The following SLC36A4 variants were observed in gnomAD, a reference collection of about 807,000 sequenced individuals.
SLC36A4 encodes the protein neutral amino acid uniporter 4.
A neutral mutation model predicts 50.5 loss-of-function variants in SLC36A4; 49 were observed. The ratio of observed to expected loss-of-function variants is 0.97; its 90% CI spans 0.77 to 1.23. The LOEUF (loss-of-function observed/expected upper bound fraction) is 1.23. Among genes scored for constraint, SLC36A4 ranks in the 50% most tolerant of loss-of-function variants. The pLI, the probability that SLC36A4 is intolerant of heterozygous loss-of-function variation, is 0.00. For missense variants in SLC36A4, 611 were observed against 608.4 expected (o/e 1.00, Z -0.05); for synonymous variants, 207 against 206.5 (o/e 1.00, Z -0.02).
chr11:93,194,572 T>C (rs1862345296), intron 1 of SLC36A4, among the ~76,000 whole-genome samples: 1 of 152,214 alleles, frequency 6.6e-6, no homozygotes, highest in African/African-American at 2.4e-5. Context: ...ATACCCATTT[T>C]TGGAAATTCT....
intron 6 of SLC36A4, among the ~76,000 whole-genome samples, chr11:93,177,909 G>A (rs1014974585): frequency 6.6e-6 from 1 of 152,246 alleles, no homozygotes; most frequent in African/African-American, 2.4e-5. Flanking sequence ...CTGTCAGAGA[G>A]GAATGTTTAA....
rs537000741 is a variant in SLC36A4, at chr11:93,196,967, G to C, written c.55+811C>G. ...AGTTTATTGTTTCTACCATTATTAC[G>C]GCCTGAAAACAATTCCATTGCAAAG... On this transcript the variant is annotated intron_variant, in intron 1 of 10. Coordinates refer to ENST00000326402, the MANE Select transcript of SLC36A4 (RefSeq NM_152313.4). Among the ~76,000 whole-genome samples the C allele has an allele frequency of 3.9e-5, 6 of 152,242 alleles. No individual in the cohort carries two copies. The East Asian group carries it at 5.8e-4, about 15-fold the overall frequency.
intron 1 of SLC36A4, among the ~76,000 whole-genome samples, chr11:93,195,256 A>G (rs2134718760): frequency 6.6e-6 from 1 of 152,098 alleles, no homozygotes; most frequent in Non-Finnish European, 1.5e-5. Context: ...TTAAGAGAAA[A>G]ACATCAAAGA....
At chr11:93,175,286 T>C (rs1185780045) in intron 6 of SLC36A4, among the ~76,000 whole-genome samples, 2 of 152,064 alleles carry the variant, frequency 1.3e-5, no homozygotes, top group Non-Finnish European at 2.9e-5. Context: ...GTGGGATCGG[T>C]GATGATATCC....
At chr11:93,179,384 G>A (rs7925288) in intron 6 of SLC36A4, among the ~76,000 whole-genome samples, 76,889 of 151,830 alleles carry the variant, frequency 0.51, 20,077 homozygotes, top group East Asian at 0.75. Flanking sequence ...ATAACTTGTA[G>A]ATTAACTTCA....
chr11:93,169,425 T>C (rs1861032985), intron 6 of SLC36A4, among the ~76,000 whole-genome samples: 2 of 152,158 alleles, frequency 1.3e-5, no homozygotes, highest in South Asian at 4.1e-4. Flanking sequence ...AGCGGTCACC[T>C]GGCCTCCACT....
intron 8 of SLC36A4, among the ~76,000 whole-genome samples, chr11:93,163,879 C>T (rs945970549): frequency 6.6e-6 from 1 of 151,896 alleles, no homozygotes; most frequent in Non-Finnish European, 1.5e-5. Context: ...TTTTGTTACT[C>T]ATATTATTCC....
At chr11:93,168,436 TATA>T (rs1401133884) in intron 6 of SLC36A4, among the ~76,000 whole-genome samples, 2 of 152,162 alleles carry the variant, frequency 1.3e-5, no homozygotes, top group East Asian at 1.9e-4. Context: ...ATTAGAAAAT[TATA>T]ATGATAGATT....
rs543536975 is a variant in SLC36A4 at position 93,145,891 on chromosome 11, T to A, written c.*2646A>T. On this transcript the variant is annotated 3_prime_UTR_variant, in exon 11 of 11. Coordinates refer to ENST00000326402, the MANE Select transcript of SLC36A4 (RefSeq NM_152313.4). ...AAAGCTAAATTTTCAGAGAAAAAAT[T>A]ACCCACTGGTTATTTTTGCAAATAA... The A allele has an allele frequency of 6.6e-6, 1 of 152,080 alleles. No homozygotes were observed. The highest frequency in any genetic ancestry group is 1.5e-5 in the Non-Finnish European group (1 of 67,986). 9.4% of individuals were successfully genotyped at this position (152,080 alleles called of 1,614,324 possible).
chr11:93,165,342 A>C (rs1183828959), intron 8 of SLC36A4, among the ~76,000 whole-genome samples: 1 of 152,156 alleles, frequency 6.6e-6, no homozygotes, highest in African/African-American at 2.4e-5. Flanking sequence ...TTAATATCTT[A>C]GAATCCTCAG....
chr11:93,161,819 G>T (rs1430597372), intron 9 of SLC36A4, among the ~76,000 whole-genome samples: 1 of 152,122 alleles, frequency 6.6e-6, no homozygotes, highest in Non-Finnish European at 1.5e-5. Context: ...AAGGAAGTAA[G>T]TCTGCATGGT....
intron 10 of SLC36A4, among the ~76,000 whole-genome samples, chr11:93,153,147 G>A (rs1385558296): frequency 6.6e-6 from 1 of 151,942 alleles, no homozygotes; most frequent in Non-Finnish European, 1.5e-5. Context: ...TCAATTTATT[G>A]AGTTGCCCCG....
At chr11:93,172,936 T>C (rs1308852033) in intron 6 of SLC36A4, among the ~76,000 whole-genome samples, 2 of 151,182 alleles carry the variant, frequency 1.3e-5, no homozygotes, top group East Asian at 1.9e-4. Context: ...AGCAGCATGA[T>C]TTATAGTCCT....
intron 10 of SLC36A4, among the ~76,000 whole-genome samples, chr11:93,151,620 T>A (rs771525423): frequency 1.1e-4 from 17 of 152,078 alleles, no homozygotes; most frequent in Non-Finnish European, 2.5e-4. Flanking sequence ...CTAACTTAAA[T>A]GAAGGATTTT....
chr11:93,175,284 G>A (rs1225758854), intron 6 of SLC36A4, among the ~76,000 whole-genome samples: 3 of 151,920 alleles, frequency 2.0e-5, no homozygotes, highest in African/African-American at 4.8e-5. Flanking sequence ...CTGTGGGATC[G>A]GTGATGATAT....
intron 9 of SLC36A4, among the ~76,000 whole-genome samples, chr11:93,158,101 C>G (rs1450119352): frequency 6.6e-6 from 1 of 152,192 alleles, no homozygotes; most frequent in African/African-American, 2.4e-5. Context: ...GAGCTAACAA[C>G]ATTTAAAACT....
rs1337779502 is a variant in SLC36A4, at chr11:93,168,038, A to G, written c.674T>C (p.Phe225Ser). ...AAATAGATTCTTTAGTTCACGAATG[A>G]AGACCAAAAGAATTATAAATGGAAG... Reference protein sequence around the residue: ...CFLPFIILLVFIRELKNLFVL... With the variant: ...CFLPFIILLVSIRELKNLFVL... The change falls in exon 7 of 11, where the codon TTC (phenylalanine) becomes TCC (serine). Residue 225 changes from phenylalanine to serine, a missense_variant. Physicochemically the swap from Phe to Ser is radical, Grantham distance 155. Coordinates refer to ENST00000326402, the MANE Select transcript of SLC36A4 (RefSeq NM_152313.4). 2 of 1,612,122 alleles carry G rather than the reference A, an allele frequency of 1.2e-6. No homozygotes were observed. The highest frequency in any genetic ancestry group is 2.7e-5 in the African/African-American group (2 of 74,834).
chr11:93,162,995 A>G, intron 8 of SLC36A4, 120 bp from the exon 9 acceptor site: 1 of 747,724 alleles, frequency 1.3e-6, no homozygotes, highest in Non-Finnish European at 2.1e-6. Flanking sequence ...CCTTTAAAAC[A>G]CATATAATTG....
intron 3 of SLC36A4, among the ~76,000 whole-genome samples, chr11:93,183,233 C>T (rs1389253699): frequency 6.6e-6 from 1 of 152,134 alleles, no homozygotes; most frequent in Non-Finnish European, 1.5e-5. Context: ...TGCAACCATG[C>T]ATCATTATCT....
Sources: gnomAD v4.1 joint callset for allele counts (sites outside exome capture counted in the v4.1 genomes callset) on GRCh38, gnomAD v4.1.1 for gene constraint, MANE v1.5 for transcripts, NCBI Gene and HGNC (gene_info 2026-07-23, HGNC 2026-07-21) for gene names.